The following SYN3 variants were observed in gnomAD, a reference collection of about 807,000 sequenced individuals.
The protein encoded by SYN3 is synapsin-3.
A neutral mutation model predicts 65.8 loss-of-function variants in SYN3; 35 were observed. That is an observed-to-expected ratio of 0.53 (90% confidence interval 0.41 to 0.70). The LOEUF is 0.70. SYN3 is among the 30% of genes least tolerant of loss of function. The pLI is 0.00. For missense variants in SYN3, 680 were observed against 749.0 expected (o/e 0.91, Z 1.08); for synonymous variants, 270 against 292.9 (o/e 0.92, Z 0.80).
intron 6 of SYN3, among the ~76,000 whole-genome samples, chr22:32,695,014 T>G (rs2060716500): frequency 6.6e-6 from 1 of 152,242 alleles, no homozygotes; most frequent in Non-Finnish European, 1.5e-5. Flanking sequence ...TCCTTCAGAA[T>G]TTTGACTGAA....
intron 1 of SYN3, among the ~76,000 whole-genome samples, chr22:33,032,977 C>G (rs1196158482): frequency 6.6e-6 from 1 of 151,982 alleles, no homozygotes; most frequent in Admixed American, 6.6e-5. Flanking sequence ...CTCTCGACTG[C>G]TCTCTAGGCC....
At chr22:32,637,847 G>A (rs1052041414) in intron 6 of SYN3, among the ~76,000 whole-genome samples, 3 of 151,706 alleles carry the variant, frequency 2.0e-5, no homozygotes, top group Non-Finnish European at 4.4e-5. Flanking sequence ...CCATGTTGGC[G>A]AGGCTGGTCT....
In SYN3 at chr22:32,801,240, A is replaced by G. The variant is rs2046564915; in HGVS notation, c.711+63675T>C. 6.6e-6 allele frequency among the ~76,000 whole-genome samples: 1 copy of G among 152,216 alleles called. No homozygotes were observed. The highest frequency in any genetic ancestry group is 2.1e-4 in the South Asian group (1 of 4,832). On this transcript the variant is annotated intron_variant, in intron 6 of 13. Coordinates refer to ENST00000358763, the MANE Select transcript of SYN3 (RefSeq NM_003490.4). The surrounding 1 kb of genome is among the most constrained non-coding windows in gnomAD (Gnocchi z 4.7). ...TGCCTGCTCTCTCCAGAGAAACTGG[A>G]GGGGTAGCAGTTAGCATTCCCCCGC...
intron 1 of SYN3, among the ~76,000 whole-genome samples, chr22:33,030,892 T>C (rs949442049): frequency 4.7e-5 from 7 of 149,710 alleles, no homozygotes; most frequent in South Asian, 2.2e-4. Context: ...CACAGAGAGA[T>C]AGAGACAGAG....
At chr22:32,565,052 G>C (rs552240743) in intron 7 of SYN3, among the ~76,000 whole-genome samples, 247 of 148,278 alleles carry the variant, frequency 1.7e-3, no homozygotes, top group African/African-American at 5.9e-3. Context: ...AGTGATCTCA[G>C]ACTGCACCCA....
chr22:32,852,867 A>C (rs2048261989), intron 6 of SYN3, among the ~76,000 whole-genome samples: 1 of 152,006 alleles, frequency 6.6e-6, no homozygotes, highest in Non-Finnish European at 1.5e-5. Context: ...AGCTGTGGGG[A>C]CCTTATCTCC....
chr22:32,639,288 G>A lies in SYN3; in HGVS notation c.712-42552C>T, dbSNP rs148581449. Reference sequence around the variant, plus strand: ...AATTTTTTTACATGGTGAAAGGTAGGAGTCCAGTTTCATTCTTCTGTATAT... The same window carrying A: ...AATTTTTTTACATGGTGAAAGGTAGAAGTCCAGTTTCATTCTTCTGTATAT... On this transcript the variant is annotated intron_variant, in intron 6 of 13. Coordinates refer to ENST00000358763, the MANE Select transcript of SYN3 (RefSeq NM_003490.4). Among the ~76,000 whole-genome samples the A allele has an allele frequency of 8.9e-3, 1,351 of 152,226 alleles. 16 individuals are homozygous for A. The highest frequency in any genetic ancestry group is 0.032 in the African/African-American group (1,309 of 41,534).
chr22:32,560,476 G>T (rs1350080155), intron 7 of SYN3, among the ~76,000 whole-genome samples: 2 of 152,210 alleles, frequency 1.3e-5, no homozygotes, highest in Non-Finnish European at 1.5e-5. Context: ...ACGTCGTCGA[G>T]TAAAGACCCA....
At chr22:32,562,418 C>T (rs994073967) in intron 7 of SYN3, among the ~76,000 whole-genome samples, 5 of 152,218 alleles carry the variant, frequency 3.3e-5, no homozygotes, top group African/African-American at 1.2e-4. Context: ...GGTCTGAGAA[C>T]TCGACCTTTA....
At position 32,776,278 on chromosome 22, in the gene SYN3, G is replaced by A. The variant is rs555960009; in HGVS notation, c.711+88637C>T. Among the ~76,000 whole-genome samples, 7 of 152,270 alleles carry A rather than the reference G, an allele frequency of 4.6e-5. No individual in the cohort carries two copies. The South Asian group carries it at 6.2e-4, about 14-fold the overall frequency. On this transcript the variant is annotated intron_variant, in intron 6 of 13. Coordinates refer to ENST00000358763, the MANE Select transcript of SYN3 (RefSeq NM_003490.4). ...GGACTTCTGGCCTCCAGAAATGTGA[G>A]GGAATAAATTTCTGTCATTTTAAGT...
intron 6 of SYN3, among the ~76,000 whole-genome samples, chr22:32,788,416 C>T (rs2046244386): frequency 6.6e-6 from 1 of 152,074 alleles, no homozygotes; most frequent in Admixed American, 6.5e-5. Context: ...TGGTGTACCC[C>T]TGTAATCCTA....
intron 6 of SYN3, among the ~76,000 whole-genome samples, chr22:32,681,797 G>A (rs2060525877): frequency 6.6e-6 from 1 of 152,152 alleles, no homozygotes; most frequent in African/African-American, 2.4e-5. Flanking sequence ...TTCTAGTTGT[G>A]GGAGACATAC....
intron 6 of SYN3, among the ~76,000 whole-genome samples, chr22:32,851,315 T>A (rs1009300855): frequency 1.3e-5 from 2 of 152,072 alleles, no homozygotes; most frequent in Non-Finnish European, 2.9e-5. Context: ...AGGCAGCAGT[T>A]CCTAAGCCTG....
chr22:32,713,668 A>G (rs1409897329), intron 6 of SYN3, among the ~76,000 whole-genome samples: 1 of 152,118 alleles, frequency 6.6e-6, no homozygotes, highest in Admixed American at 6.5e-5. Context: ...GTCTCTACTA[A>G]AAATACAAAA....
intron 3 of SYN3, among the ~76,000 whole-genome samples, chr22:32,971,479 C>T (rs2052017936): frequency 6.6e-6 from 1 of 152,100 alleles, no homozygotes; most frequent in Non-Finnish European, 1.5e-5. Context: ...AGAGTTCTGT[C>T]CGACTCAGTC....
chr22:32,752,112 C>T (rs2045145454), intron 6 of SYN3, among the ~76,000 whole-genome samples: 1 of 152,200 alleles, frequency 6.6e-6, no homozygotes. Context: ...TTAATAAATA[C>T]TTGCTGAGTG....
chr22:32,556,359 AT>A (rs2058495516), intron 7 of SYN3, among the ~76,000 whole-genome samples: 1 of 152,080 alleles, frequency 6.6e-6, no homozygotes, highest in African/African-American at 2.4e-5. Flanking sequence ...CTCCCACGTG[AT>A]TTTCACATGG....
chr22:33,010,334 T>G (rs1214547494), intron 1 of SYN3, among the ~76,000 whole-genome samples: 1 of 152,190 alleles, frequency 6.6e-6, no homozygotes, highest in Non-Finnish European at 1.5e-5. Flanking sequence ...AGGTCGGGGA[T>G]CCAACTAAAC....
chr22:32,660,860 AC>A (rs5845014), intron 6 of SYN3, among the ~76,000 whole-genome samples: 39,939 of 152,056 alleles, frequency 0.26, 6,961 homozygotes, highest in East Asian at 0.68. Flanking sequence ...TCACCTAAGG[AC>A]CACCACCCAG....
Sources: allele counts gnomAD v4.1 joint callset (sites outside exome capture counted in the v4.1 genomes callset), GRCh38; gene constraint gnomAD v4.1.1; non-coding constraint Gnocchi (gnomAD v3.1); transcripts MANE v1.5; gene names NCBI Gene and HGNC (gene_info 2026-07-23, HGNC 2026-07-21).